Variants in RUFY4 observed in about 807,000 individuals in gnomAD.
RUFY4 encodes the protein RUN and FYVE domain-containing protein 4.
Under a neutral mutation model 69.0 loss-of-function variants are expected in RUFY4, and 73 were observed. The ratio of observed to expected loss-of-function variants is 1.06; its 90% CI spans 0.88 to 1.29. RUFY4 has a LOEUF of 1.29. RUFY4 is among the 50% of genes most tolerant of loss of function. The pLI is 0.00. For synonymous variants in RUFY4, 287 were observed against 271.8 expected, an observed-to-expected ratio of 1.06 and a Z score of -0.55; for missense variants, 770 against 705.6, an observed-to-expected ratio of 1.09 and a Z score of -1.03.
chr2:218,062,354 C>T (rs1371448767), intron 3 of RUFY4, among the ~76,000 whole-genome samples: 6 of 146,624 alleles, frequency 4.1e-5, no homozygotes, highest in African/African-American at 1.0e-4. Flanking sequence ...TGTAGTGAGC[C>T]GAGATTGCAC....
At chr2:218,060,066 A>G in intron 3 of RUFY4, 167 of 250,950 alleles carry the variant, frequency 6.7e-4, no homozygotes, top group South Asian at 4.8e-3. Context: ...GTAGATTTTC[A>G]CTTCTTAGAA....
intron 2 of RUFY4, among the ~76,000 whole-genome samples, chr2:218,039,123 T>C (rs984650115): frequency 6.6e-6 from 1 of 152,164 alleles, no homozygotes; most frequent in Non-Finnish European, 1.5e-5. Flanking sequence ...TACTGTCTCT[T>C]TAAACTTCCT....
At chr2:218,034,996 G>A (rs1958951615) in exon 1 of RUFY4, 1 of 152,368 alleles carries the variant, frequency 6.6e-6, no homozygotes, top group Non-Finnish European at 1.5e-5. Context: ...CTACCACAAT[G>A]GATCAGCCCC....
chr2:218,062,275 G>A (rs984482181), intron 3 of RUFY4, among the ~76,000 whole-genome samples: 5 of 151,472 alleles, frequency 3.3e-5, no homozygotes, highest in East Asian at 1.9e-4. Context: ...GCATGGTGGC[G>A]GGCACCTGTA....
chr2:218,089,626 C>T (rs1689981961), intron 10 of RUFY4: 7 of 694,882 alleles, frequency 1.0e-5, no homozygotes, highest in Non-Finnish European at 1.8e-5. Context: ...ATGGGCCTCT[C>T]ATCTGGAAGG....
chr2:218,044,207 GAGC>G lies in RUFY4; in HGVS notation c.-1158+8816_-1158+8818del, dbSNP rs554872644. ...GGGTGGGGCTCCTGCCTGCTCCATG[GAGC>G]AGAAGGCCCAGGCTGCACCTCCTCA... On this transcript the variant is annotated intron_variant and NMD_transcript_variant, in intron 2 of 13. Coordinates refer to the RUFY4 transcript ENST00000457754. Among the ~76,000 whole-genome samples the G allele has an allele frequency of 2.0e-4, 31 of 152,306 alleles. No individual in the cohort carries two copies. In the South Asian group the frequency reaches 5.2e-3, roughly 25 times the overall value.
At chr2:218,063,584 T>G (rs1689250368) in intron 3 of RUFY4, among the ~76,000 whole-genome samples, 1 of 152,210 alleles carries the variant, frequency 6.6e-6, no homozygotes, top group African/African-American at 2.4e-5. Flanking sequence ...CATAGTGGCA[T>G]GCTCCAGCCC....
upstream of RUFY4, among the ~76,000 whole-genome samples, chr2:218,066,736 T>C (rs976581989): frequency 4.6e-5 from 7 of 152,274 alleles, no homozygotes; most frequent in African/African-American, 1.7e-4. Flanking sequence ...TTCAGAGGAC[T>C]GTGAGCCTTA....
intron 3 of RUFY4, among the ~76,000 whole-genome samples, chr2:218,062,744 T>C (rs1345279159): frequency 6.6e-6 from 1 of 152,008 alleles, no homozygotes; most frequent in Non-Finnish European, 1.5e-5. Flanking sequence ...AAAATAAAAA[T>C]AAATAAATAA....
intron 2 of RUFY4, among the ~76,000 whole-genome samples, chr2:218,039,233 T>A (rs916512617): frequency 2.6e-5 from 4 of 152,202 alleles, no homozygotes; most frequent in Non-Finnish European, 5.9e-5. Context: ...TGTGGCATGA[T>A]AAATTTGACA....
upstream of RUFY4, chr2:218,070,403 A>G (rs1239674684): frequency 3.2e-6 from 2 of 626,442 alleles, no homozygotes; most frequent in Non-Finnish European, 5.8e-6. Flanking sequence ...AGGCCACACC[A>G]TCATCTTCAC....
At chr2:218,086,396 A>G (rs1267678123) in intron 9 of RUFY4, among the ~76,000 whole-genome samples, 1 of 152,252 alleles carries the variant, frequency 6.6e-6, no homozygotes, top group Non-Finnish European at 1.5e-5. Context: ...ACAGTTAGAT[A>G]CATCATTATG....
Position 218,073,838 on chromosome 2 carries a change from C to G in RUFY4, c.553C>G (p.Gln185Glu), listed in dbSNP as rs761149922. 63 of 1,613,844 alleles carry G rather than the reference C, an allele frequency of 3.9e-5. No homozygotes were observed. The South Asian group carries it at 6.6e-4, about 17-fold the overall frequency. The change falls in exon 6 of 11, where the codon CAA becomes GAA. Residue 185 changes from glutamine (Q) to glutamate (E), a missense_variant. Transcript: ENST00000344321. ...CAGGTCACGCTGCTCCAGTTCCACC[C>G]AAACCCAGGGAAGGAGACCCAGAAA...
Position 218,078,118 on chromosome 2 carries a change from C to T in RUFY4, c.1355+1585C>T, listed in dbSNP as rs539985384. ...ACAGACAAAACAGGCCAAACGCCTG[C>T]CCTCATGGAGCTTGCATTCTAGTGG... On this transcript the variant is annotated intron_variant, in intron 8 of 10. Coordinates refer to ENST00000344321, the Ensembl canonical transcript of RUFY4. 9.2e-5 allele frequency among the ~76,000 whole-genome samples: 14 copies of T among 152,314 alleles called. No homozygotes were observed. In the South Asian group the frequency reaches 2.5e-3, roughly 27 times the overall value.
At chr2:218,089,675 C>T in intron 10 of RUFY4, 1 of 703,210 alleles carries the variant, frequency 1.4e-6, no homozygotes, top group Non-Finnish European at 2.6e-6. Flanking sequence ...CCTCCTTCCT[C>T]TGTGAGCACA....
intron 9 of RUFY4, among the ~76,000 whole-genome samples, chr2:218,086,019 A>G (rs767779343): frequency 6.6e-6 from 1 of 152,274 alleles, no homozygotes; most frequent in Non-Finnish European, 1.5e-5. Context: ...TCCATCTTCC[A>G]TGAAACAGGA....
At chr2:218,046,632 A>C (rs1688834754) in intron 2 of RUFY4, among the ~76,000 whole-genome samples, 1 of 152,228 alleles carries the variant, frequency 6.6e-6, no homozygotes, top group Admixed American at 6.5e-5. Context: ...GACAATCATT[A>C]GTTTTATAAC....
At chr2:218,040,817 G>A (rs1959051089) in intron 2 of RUFY4, among the ~76,000 whole-genome samples, 1 of 152,058 alleles carries the variant, frequency 6.6e-6, no homozygotes, top group South Asian at 2.1e-4. Flanking sequence ...AATAAAAGGT[G>A]GACGACTCTG....
chr2:218,065,973 G>A (rs1229477850), upstream of RUFY4, among the ~76,000 whole-genome samples: 1 of 151,848 alleles, frequency 6.6e-6, no homozygotes, highest in Non-Finnish European at 1.5e-5. Flanking sequence ...CCTCCCTGGG[G>A]ACAGGAGGGG....
Sources: gnomAD v4.1 joint callset for allele counts (sites outside exome capture counted in the v4.1 genomes callset) on GRCh38, gnomAD v4.1.1 for gene constraint, MANE v1.5 for transcripts, NCBI Gene and HGNC (gene_info 2026-07-23, HGNC 2026-07-21) for gene names.